Variants in TNKS observed in about 807,000 individuals in gnomAD.
TNKS encodes the protein tankyrase.
TNKS carries 72 observed loss-of-function variants against 135.8 expected under a neutral mutation model. The observed-to-expected ratio is 0.53, with a 90% CI of 0.44 to 0.64. The LOEUF (loss-of-function observed/expected upper bound fraction) is 0.64, where lower values mean the gene tolerates loss of function less well. Among genes scored for constraint, TNKS ranks in the 30% least tolerant of loss-of-function variants. The probability of loss-of-function intolerance (pLI) is 0.00; values close to 1 mark genes in which losing one functional copy is unlikely to be tolerated. For synonymous variants in TNKS, 849 were observed against 649.3 expected (o/e 1.31, Z -4.68); for missense variants, 1,769 against 1,674.0 (o/e 1.06, Z -0.99).
At chr8:9,729,101 A>C (rs770180994) in intron 13 of TNKS, among the ~76,000 whole-genome samples, 28 of 152,070 alleles carry the variant, frequency 1.8e-4, no homozygotes, top group Non-Finnish European at 3.1e-4. Flanking sequence ...CCTCTTCTGG[A>C]GGGGACAAAT....
At position 9,731,168 on chromosome 8, in the gene TNKS, CAT is replaced by C. The variant is rs1585388224; in HGVS notation, c.2147+135_2147+136del. ...TTTTTGTTTAAAACATAAATTAAAA[CAT>C]AGAAATGTGCCAGGCATGGTGGCTC... On this transcript the variant is annotated intron_variant, in intron 14 of 26. Transcript: ENST00000310430. 2.2e-5 allele frequency: 26 copies of C among 1,183,478 alleles called. No homozygotes were observed. The East Asian group carries it at 7.2e-4, about 33-fold the overall frequency. The allele number at this position is 1,183,478 out of a possible 1,614,324, so 73.3% of individuals were successfully genotyped here.
chr8:9,751,100 C>T (rs979055588), intron 18 of TNKS, among the ~76,000 whole-genome samples: 4 of 152,226 alleles, frequency 2.6e-5, no homozygotes, highest in East Asian at 1.9e-4. Context: ...GCATACATGA[C>T]GGGAGGAAGG....
rs371506761 is a variant in TNKS at position 9,710,192 on chromosome 8, T to C, written c.1721T>C (p.Met574Thr). The change falls in exon 11 of 27, where the codon ATG becomes ACG. Residue 574 changes from methionine to threonine, a missense_variant. Met to Thr is a moderately conservative substitution (Grantham distance 81). Around this residue, in one of 5 missense-constraint regions of TNKS, gnomAD observed 523 missense variants for 541.0 expected, o/e 0.97. Coordinates refer to ENST00000310430, the MANE Select transcript of TNKS (RefSeq NM_003747.3). ...VAAERAHNDV[M>T]EVLHKHGAKM... is the part of the protein sequence containing the mutation. The stretch of plus-strand genomic sequence containing the variant: ...GCCGAAAGAGCCCATAATGATGTCA[T>C]GGAAGTTCTGCATAAGCATGGCGCC... The C allele has an allele frequency of 2.5e-6, 4 of 1,614,132 alleles. No homozygotes were observed. In the African/African-American group the frequency reaches 4.0e-5, roughly 16 times the overall value.
chr8:9,633,681 C>G lies in TNKS; in HGVS notation c.994+18004C>G, dbSNP rs192821825. Reference sequence around the variant, plus strand: ...ATGGCTTTTATGTTGGGCTGTTTTTCTCATTCACTTGGATCACTTGCTCCG... The same window carrying G: ...ATGGCTTTTATGTTGGGCTGTTTTTGTCATTCACTTGGATCACTTGCTCCG... On this transcript the variant is annotated intron_variant, in intron 3 of 26. Transcript: ENST00000310430. Among the ~76,000 whole-genome samples the G allele has an allele frequency of 1.9e-3, 293 of 152,242 alleles. 1 individual carries two copies. The Middle Eastern group carries it at 0.024, about 12-fold the overall frequency.
intron 5 of TNKS, among the ~76,000 whole-genome samples, chr8:9,686,336 G>A (rs749311253): frequency 2.6e-5 from 4 of 152,170 alleles, no homozygotes; most frequent in South Asian, 4.1e-4. Flanking sequence ...CTATTCACAC[G>A]TCCCAGACAA....
intron 2 of TNKS, among the ~76,000 whole-genome samples, chr8:9,593,166 C>T (rs1279720512): frequency 2.0e-5 from 3 of 152,128 alleles, no homozygotes; most frequent in African/African-American, 7.2e-5. Flanking sequence ...ATAAAAGTTG[C>T]TGTGGATAGT....
At position 9,659,369 on chromosome 8, in the gene TNKS, A is replaced by T. The variant is rs186071261; in HGVS notation, c.995-20582A>T. Among the ~76,000 whole-genome samples, 312 of 152,338 alleles carry T rather than the reference A, an allele frequency of 2.0e-3. 1 individual carries two copies. Among genetic ancestry groups the T allele is most frequent in the African/African-American group, 6.9e-3 (286 of 41,566 alleles). ...TCCTCAGCAAATGTAAAAGAACAGA[A>T]ATTATAACAAACTGTCTCTCAGACC... On this transcript the variant is annotated intron_variant, in intron 3 of 26. Coordinates refer to ENST00000310430, the MANE Select transcript of TNKS (RefSeq NM_003747.3).
chr8:9,609,880 T>C (rs917849621), intron 2 of TNKS, among the ~76,000 whole-genome samples: 13 of 152,120 alleles, frequency 8.5e-5, no homozygotes, highest in African/African-American at 2.9e-4. Context: ...CTTTTTGAAG[T>C]GGAGTCTCGC....
intron 2 of TNKS, among the ~76,000 whole-genome samples, chr8:9,591,031 T>G (rs1798571913): frequency 6.6e-6 from 1 of 152,252 alleles, no homozygotes; most frequent in African/African-American, 2.4e-5. Flanking sequence ...GAGTTGTAAC[T>G]GAAATGTATT....
At chr8:9,731,895 C>T (rs1010638546) in intron 14 of TNKS, among the ~76,000 whole-genome samples, 3 of 149,622 alleles carry the variant, frequency 2.0e-5, no homozygotes, top group African/African-American at 7.3e-5. Context: ...TCACGCCATT[C>T]TCCTGCCTCA....
intron 1 of TNKS, 190 bp downstream of exon 1, chr8:9,556,802 A>G (rs1815334894): frequency 1.7e-6 from 1 of 571,738 alleles, no homozygotes; most frequent in Non-Finnish European, 3.0e-6. Flanking sequence ...TGGGGGGGAT[A>G]AGTGAATCCA....
At chr8:9,747,344 T>G (rs1359270722) in intron 17 of TNKS, among the ~76,000 whole-genome samples, 1 of 151,896 alleles carries the variant, frequency 6.6e-6, no homozygotes, top group Non-Finnish European at 1.5e-5. Flanking sequence ...CAATTTTTTT[T>G]CTTTCAAAAT....
chr8:9,734,760 T>C, intron 15 of TNKS, 105 bp from the exon 16 acceptor site: 1 of 963,410 alleles, frequency 1.0e-6, no homozygotes, highest in African/African-American at 1.7e-5. Flanking sequence ...ATAGAGTAGA[T>C]ATCTTCCCCA....
Position 9,559,087 on chromosome 8 carries a change from G to C in TNKS, c.673+2475G>C, listed in dbSNP as rs146705977. On this transcript the variant is annotated intron_variant, in intron 1 of 26. Transcript: ENST00000310430. ...TATTTTAGTGTGCTTAGATGATCGG[G>C]TGTTAAATACTGACACAATTGTGTA... Among the ~76,000 whole-genome samples, 268 of 152,256 alleles carry C rather than the reference G, an allele frequency of 1.8e-3. 3 individuals are homozygous for C. The highest frequency in any genetic ancestry group is 6.0e-3 in the African/African-American group (249 of 41,554).
rs191107940 is a variant in TNKS at position 9,635,687 on chromosome 8, G to C, written c.994+20010G>C. On this transcript the variant is annotated intron_variant, in intron 3 of 26. Transcript: ENST00000310430. ...GTGTGCTGGCAGATGTAATACCTGA[G>C]AAGGTCACAACATTTCTTATGTTGT... Among the ~76,000 whole-genome samples, 12 of 152,280 alleles carry C rather than the reference G, an allele frequency of 7.9e-5. No individual in the cohort carries two copies. The East Asian group carries it at 2.3e-3, about 29-fold the overall frequency.
At chr8:9,564,489 A>G (rs947591242) in intron 1 of TNKS, among the ~76,000 whole-genome samples, 4 of 152,256 alleles carry the variant, frequency 2.6e-5, no homozygotes, top group African/African-American at 9.6e-5. Flanking sequence ...AGGAATAAAC[A>G]TGAGCTCTGT....
In TNKS at chr8:9,597,632, GGGTATCGT is replaced by G. The variant is rs565578613; in HGVS notation, c.898+17253_898+17260del. 6.0e-4 allele frequency among the ~76,000 whole-genome samples: 92 copies of G among 152,230 alleles called. 4 individuals are homozygous for G. The South Asian group carries it at 0.019, about 31-fold the overall frequency. ...TTCCCCACAAATATTTCAATAGCAG[GGGTATCGT>G]GGTTTGCTGTAACCAAATATTAAGT... is the stretch of plus-strand genomic sequence containing the variant. On this transcript the variant is annotated intron_variant, in intron 2 of 26. Transcript: ENST00000310430.
chr8:9,644,787 A>G (rs1011033762), intron 3 of TNKS, among the ~76,000 whole-genome samples: 1 of 152,138 alleles, frequency 6.6e-6, no homozygotes, highest in African/African-American at 2.4e-5. Context: ...TTACTATATG[A>G]TGGTGCAAAA....
At chr8:9,708,745 T>C (rs1177259477) in intron 9 of TNKS, among the ~76,000 whole-genome samples, 1 of 152,152 alleles carries the variant, frequency 6.6e-6, no homozygotes, top group East Asian at 1.9e-4. Context: ...TTATAACAAA[T>C]CCACTTTTGT....
Sources: allele counts gnomAD v4.1 joint callset (sites outside exome capture counted in the v4.1 genomes callset), GRCh38; gene constraint gnomAD v4.1.1; regional missense constraint gnomAD v4.1.1; transcripts MANE v1.5; gene names NCBI Gene and HGNC (gene_info 2026-07-23, HGNC 2026-07-21).